ARID1B: variants seen among roughly 807,000 people sequenced by gnomAD.
ARID1B encodes AT-rich interactive domain-containing protein 1B.
A neutral mutation model predicts 212.3 loss-of-function variants in ARID1B; 30 were observed. That is an observed-to-expected ratio of 0.14 (90% CI 0.11 to 0.19). The LOEUF (loss-of-function observed/expected upper bound fraction) is 0.19. Among genes scored for constraint, ARID1B ranks in the 10% least tolerant of loss-of-function variants. The probability of loss-of-function intolerance (pLI) is 1.00; values close to 1 mark genes in which losing one functional copy is unlikely to be tolerated. For synonymous variants in ARID1B, 1,402 were observed against 1,301.7 expected (o/e 1.08, Z -1.66); for missense variants, 2,891 against 3,204.0 (o/e 0.90, Z 2.36).
rs2128394145 is a variant in ARID1B, at chr6:157,206,762, T to C, written c.5990T>C (p.Ile1997Thr). 1 of 1,613,510 alleles carries C rather than the reference T, an allele frequency of 6.2e-7. No individual in the cohort carries two copies. Among genetic ancestry groups the C allele is most frequent in the East Asian group, 2.2e-5 (1 of 44,874 alleles). Residue 1997 changes from isoleucine to threonine, a missense_variant, in exon 20 of 20, where the codon ATA (isoleucine) becomes ACA (threonine). Ile to Thr is a moderately conservative substitution (Grantham distance 89). Around this residue, in one of 7 missense-constraint regions of ARID1B, gnomAD observed 332 missense variants for 369.2 expected, o/e 0.90. Coordinates refer to ENST00000636930, the MANE Select transcript of ARID1B (RefSeq NM_001374828.1). This position sits in a 1 kb window ranked among gnomAD's most constrained non-coding sequence, Gnocchi z 6.8. ...GAAGAGCAGCAAGAGAAAAGCATCA[T>C]AGCAACCATCGATGACGTCCTCTCT... Reference protein sequence around the residue: ...DSEEQQEKSIIATIDDVLSAR... With the variant: ...DSEEQQEKSITATIDDVLSAR...
At chr6:157,012,868 GGTTTTGTTTT>G (rs200741398) in intron 4 of ARID1B, among the ~76,000 whole-genome samples, 2 of 152,128 alleles carry the variant, frequency 1.3e-5, no homozygotes, top group South Asian at 4.1e-4. Context: ...TATGGCATGA[GGTTTTGTTTT>G]GTTTTGTTTC....
intron 1 of ARID1B, among the ~76,000 whole-genome samples, chr6:156,803,483 C>T (rs1222273544): frequency 6.6e-6 from 1 of 152,056 alleles, no homozygotes; most frequent in African/African-American, 2.4e-5. Context: ...CACCATCTTC[C>T]TCCCTCTGTA....
intron 17 of ARID1B, among the ~76,000 whole-genome samples, chr6:157,199,278 T>C (rs1793944409): frequency 6.6e-6 from 1 of 152,190 alleles, no homozygotes. Context: ...AAGGAGAATG[T>C]GTAGAAAAGC....
At chr6:156,922,606 A>G (rs116981731) in intron 3 of ARID1B, among the ~76,000 whole-genome samples, 3 of 152,354 alleles carry the variant, frequency 2.0e-5, no homozygotes, top group East Asian at 3.9e-4. Flanking sequence ...AAGTATTACA[A>G]TGTTGAATGT....
chr6:157,080,395 A>G (rs1166623165), intron 4 of ARID1B, among the ~76,000 whole-genome samples: 1 of 152,212 alleles, frequency 6.6e-6, no homozygotes, highest in East Asian at 1.9e-4. Context: ...TCAAAACCAA[A>G]TATGTCTTTT....
At chr6:156,818,718 A>G (rs565984818) in intron 1 of ARID1B, among the ~76,000 whole-genome samples, 3 of 152,176 alleles carry the variant, frequency 2.0e-5, no homozygotes, top group African/African-American at 4.8e-5. Flanking sequence ...GGAGATGGCA[A>G]ATTACTTTTT....
rs146453054 is a variant in ARID1B at position 157,208,603 on chromosome 6, G to A, written c.*712G>A. 4,993 of 232,204 alleles carry A rather than the reference G, an allele frequency of 0.022. 251 individuals are homozygous for A. Among genetic ancestry groups the A allele is most frequent in the African/African-American group, 0.1 (4,627 of 45,188 alleles). The allele number at this position is 232,204 out of a possible 1,614,324, so 14.4% of individuals were successfully genotyped here. On this transcript the variant is annotated 3_prime_UTR_variant, in exon 20 of 20. Coordinates refer to ENST00000636930, the MANE Select transcript of ARID1B (RefSeq NM_001374828.1). Reference sequence around the variant, plus strand: ...CTGCTGTCGGCGTTTGACCTTCCACGTGACAGTTCTTCACAATTCCTTTCA... The same window carrying A: ...CTGCTGTCGGCGTTTGACCTTCCACATGACAGTTCTTCACAATTCCTTTCA...
intron 3 of ARID1B, among the ~76,000 whole-genome samples, chr6:156,928,422 T>G (rs1261668583): frequency 6.6e-6 from 1 of 152,116 alleles, no homozygotes; most frequent in Non-Finnish European, 1.5e-5. Flanking sequence ...CTCATTTGGG[T>G]GCTCTCCTTC....
At chr6:157,189,300 A>G (rs531985213) in intron 13 of ARID1B, among the ~76,000 whole-genome samples, 1 of 152,252 alleles carries the variant, frequency 6.6e-6, no homozygotes, top group African/African-American at 2.4e-5. Flanking sequence ...GTGAATGAAC[A>G]CTCTTCTGCC....
At chr6:157,061,535 G>A (rs1783341536) in intron 4 of ARID1B, among the ~76,000 whole-genome samples, 1 of 150,450 alleles carries the variant, frequency 6.6e-6, no homozygotes, top group African/African-American at 2.5e-5. Flanking sequence ...TTAACTCCTG[G>A]TTATTATTGC....
At chr6:156,805,565 C>G (rs1190172593) in intron 1 of ARID1B, among the ~76,000 whole-genome samples, 1 of 152,170 alleles carries the variant, frequency 6.6e-6, no homozygotes, top group Non-Finnish European at 1.5e-5. Context: ...TCTCTCTGCT[C>G]TCAGAGGGCC....
chr6:157,094,494 A>G lies in ARID1B; in HGVS notation c.2491+9589A>G, dbSNP rs979347338. Among the ~76,000 whole-genome samples, 1 of 152,126 alleles carries G rather than the reference A, an allele frequency of 6.6e-6. No homozygotes were observed. ...CTCAGCCTCCCGAGTAGCTGGGACTATAGGCACATGTCACCACGCTTGGCT... is the reference window on the plus strand; with the variant it reads ...CTCAGCCTCCCGAGTAGCTGGGACTGTAGGCACATGTCACCACGCTTGGCT... On this transcript the variant is annotated intron_variant, in intron 5 of 19. Coordinates refer to ENST00000636930, the MANE Select transcript of ARID1B (RefSeq NM_001374828.1). This position sits in a 1 kb window ranked among gnomAD's most constrained non-coding sequence, Gnocchi z 4.3.
chr6:157,103,830 A>ATTTT (rs1786261785), intron 5 of ARID1B, among the ~76,000 whole-genome samples: 1 of 125,392 alleles, frequency 8.0e-6, no homozygotes, highest in African/African-American at 3.8e-5. Context: ...AATATTAACA[A>ATTTT]CTTTTTTTTT....
chr6:157,051,203 A>G (rs1428958659), intron 4 of ARID1B, among the ~76,000 whole-genome samples: 1 of 152,362 alleles, frequency 6.6e-6, no homozygotes, highest in Non-Finnish European at 1.5e-5. Context: ...GCTGTGTGAT[A>G]GATGAGGGAT....
intron 5 of ARID1B, among the ~76,000 whole-genome samples, chr6:157,103,127 A>G (rs943833877): frequency 3.9e-5 from 6 of 152,238 alleles, no homozygotes; most frequent in African/African-American, 7.2e-5. Context: ...CTGGCAGTTT[A>G]CAGAGAAAGT....
chr6:156,814,672 G>A (rs1380201756), intron 1 of ARID1B, among the ~76,000 whole-genome samples: 1 of 152,146 alleles, frequency 6.6e-6, no homozygotes, highest in Non-Finnish European at 1.5e-5. Flanking sequence ...CAAGATTTAG[G>A]GACCTGTGTA....
chr6:157,092,685 A>T (rs1190354117), intron 5 of ARID1B, among the ~76,000 whole-genome samples: 2 of 152,198 alleles, frequency 1.3e-5, no homozygotes, highest in Non-Finnish European at 2.9e-5. Context: ...ACAAATTCCC[A>T]CTTGGTTTTG....
In ARID1B at chr6:157,203,655, A is replaced by G. The variant is rs1794259327; in HGVS notation, c.5264-211A>G. 32 of 620,180 alleles carry G rather than the reference A, an allele frequency of 5.2e-5. No homozygotes were observed. In the South Asian group the frequency reaches 5.7e-4, roughly 11 times the overall value. The allele number at this position is 620,180 out of a possible 1,614,324, so 38.4% of individuals were successfully genotyped here. A position where few individuals can be genotyped will look rare whatever the true frequency, so the allele number is the denominator to read the frequency against. Reference sequence around the variant, plus strand: ...CTTTCGGCCCCTGCGTGACCAACAAAGCGAGATCTGAAACCACAAAAGTTT... The same window carrying G: ...CTTTCGGCCCCTGCGTGACCAACAAGGCGAGATCTGAAACCACAAAAGTTT... On this transcript the variant is annotated intron_variant, in intron 18 of 19. Transcript: ENST00000636930. The surrounding 1 kb of genome is among the most constrained non-coding windows in gnomAD (Gnocchi z 4.4).
chr6:157,152,233 A>G (rs974627015), intron 8 of ARID1B: 1 of 152,196 alleles, frequency 6.6e-6, no homozygotes, highest in African/African-American at 2.4e-5. Flanking sequence ...GCCAAACCAC[A>G]TTAAGCAGCT....
Sources: allele counts gnomAD v4.1 joint callset (sites outside exome capture counted in the v4.1 genomes callset), GRCh38; gene constraint gnomAD v4.1.1; regional missense constraint gnomAD v4.1.1; non-coding constraint Gnocchi (gnomAD v3.1); transcripts MANE v1.5; gene names NCBI Gene and HGNC (gene_info 2026-07-23, HGNC 2026-07-21).